Variants in UBFD1 observed in about 807,000 individuals in gnomAD.
The protein encoded by UBFD1 is ubiquitin family domain containing 1.
A neutral mutation model predicts 35.1 loss-of-function variants in UBFD1; 12 were observed. The ratio of observed to expected loss-of-function variants is 0.34; its 90% CI spans 0.22 to 0.55. The LOEUF is 0.55. UBFD1 is among the 20% of genes least tolerant of loss of function. UBFD1 has a pLI of 0.89. For synonymous variants in UBFD1, 178 were observed against 167.6 expected (o/e 1.06, Z -0.48); for missense variants, 337 against 410.8 (o/e 0.82, Z 1.55).
intron 5 of UBFD1, 133 bp from the exon 6 acceptor site, chr16:23,566,854 C>A: frequency 1.2e-6 from 1 of 803,116 alleles, no homozygotes; most frequent in South Asian, 1.7e-5. Flanking sequence ...GTGTTGTCCC[C>A]AGAGGGCATG....
At chr16:23,562,599 C>G (rs1012526528) in intron 4 of UBFD1, 26 bp from the exon 5 acceptor site, 3 of 1,607,658 alleles carry the variant, frequency 1.9e-6, no homozygotes, top group Admixed American at 3.4e-5. Flanking sequence ...GTCCCTCCAT[C>G]TCTTACCATT....
Position 23,573,493 on chromosome 16 carries a change from T to G in UBFD1, c.*2903T>G, listed in dbSNP as rs1966114444. 6.6e-6 allele frequency: 1 copy of G among 152,370 alleles called. No individual in the cohort carries two copies. Among genetic ancestry groups the G allele is most frequent in the African/African-American group, 2.4e-5 (1 of 41,416 alleles). The allele number at this position is 152,370 out of a possible 1,614,324, so 9.4% of individuals were successfully genotyped here. On this transcript the variant is annotated 3_prime_UTR_variant, in exon 7 of 7. Transcript: ENST00000395878. The stretch of plus-strand genomic sequence containing the variant: ...TTCAGATCACAGAACACAGACAGAC[T>G]CGCGAGTTGCTGGACCTCTTTGGTA...
chr16:23,573,036 T>G lies in UBFD1; in HGVS notation c.*2446T>G, dbSNP rs949163325. The G allele has an allele frequency of 4.6e-5, 7 of 152,254 alleles. No individual in the cohort carries two copies. The highest frequency in any genetic ancestry group is 8.8e-5 in the Non-Finnish European group (6 of 68,052). The allele number at this position is 152,254 out of a possible 1,614,324, so 9.4% of individuals were successfully genotyped here. A position where few individuals can be genotyped will look rare whatever the true frequency, so the allele number is the denominator to read the frequency against. ...GTCTTTGAGTTCCGTAAGCAGTCTC[T>G]TCATACATTTCTTACAGTCTGGAGT... On this transcript the variant is annotated 3_prime_UTR_variant, in exon 7 of 7. Coordinates refer to ENST00000395878, the MANE Select transcript of UBFD1 (RefSeq NM_019116.3).
At chr16:23,560,911 A>G (rs1965923621) in intron 3 of UBFD1, among the ~76,000 whole-genome samples, 2 of 152,182 alleles carry the variant, frequency 1.3e-5, no homozygotes, top group African/African-American at 2.4e-5. Flanking sequence ...TGCCACATGT[A>G]TGAAATAGTG....
intron 5 of UBFD1, chr16:23,565,434 T>C (rs552514566): frequency 6.6e-6 from 1 of 152,172 alleles, no homozygotes; most frequent in East Asian, 1.9e-4. Context: ...TGATCAGGAG[T>C]GTGGGTCCAG....
intron 6 of UBFD1, 101 bp from the exon 7 acceptor site, chr16:23,570,379 C>A: frequency 1.2e-6 from 1 of 858,204 alleles, no homozygotes; most frequent in Non-Finnish European, 1.9e-6. Context: ...TTTTTCTTCC[C>A]TTTTTAATTA....
intron 2 of UBFD1, 43 bp downstream of exon 2, chr16:23,558,322 T>C (rs766343503): frequency 8.8e-6 from 14 of 1,591,470 alleles, no homozygotes; most frequent in African/African-American, 1.4e-5. Flanking sequence ...CCACCCCGCC[T>C]CCTGATGGCC....
chr16:23,571,764 A>C lies in UBFD1; in HGVS notation c.*1174A>C, dbSNP rs1285555869. 1 of 152,686 alleles carries C rather than the reference A, an allele frequency of 6.5e-6. No individual in the cohort carries two copies. The highest frequency in any genetic ancestry group is 6.5e-5 in the Admixed American group (1 of 15,286). The allele number at this position is 152,686 out of a possible 1,614,324, so 9.5% of individuals were successfully genotyped here. ...AGCAGGTTGGCCAGTGTTATTGAAC[A>C]ACAAAAATGGGATAAATTGCTTTCA... On this transcript the variant is annotated 3_prime_UTR_variant, in exon 7 of 7. Transcript: ENST00000395878.
chr16:23,567,631 T>G (rs1050093955), intron 6 of UBFD1, among the ~76,000 whole-genome samples: 1 of 152,242 alleles, frequency 6.6e-6, no homozygotes, highest in East Asian at 1.9e-4. Context: ...TTTGGAGGTG[T>G]TGTGCAGGTC....
intron 6 of UBFD1, among the ~76,000 whole-genome samples, chr16:23,569,949 A>G (rs913139377): frequency 6.6e-6 from 1 of 152,218 alleles, no homozygotes; most frequent in African/African-American, 2.4e-5. Flanking sequence ...AAAGAGCTCC[A>G]GTATTGGTGT....
chr16:23,559,730 G>T, intron 3 of UBFD1, 54 bp downstream of exon 3: 2 of 1,609,464 alleles, frequency 1.2e-6, no homozygotes, highest in Non-Finnish European at 1.7e-6. Flanking sequence ...TTGTCCTCTT[G>T]AGCCGTGGCT....
chr16:23,562,157 G>A (rs759088575), intron 3 of UBFD1, 49 bp from the exon 4 acceptor site: 8 of 1,545,472 alleles, frequency 5.2e-6, no homozygotes, highest in South Asian at 2.3e-5. Flanking sequence ...ATAGTAACAC[G>A]ACGAAATGTA....
rs768319984 is a variant in UBFD1 at position 23,559,457 on chromosome 16, C to T, written c.356-11C>T. ...CTTCCTTTCACTGTCCACCTTCTAC[C>T]TTTTCCCAAGGTCTCCCGCCTGCCA... On this transcript the variant is annotated splice_polypyrimidine_tract_variant and intron_variant, in intron 2 of 6. Coordinates refer to ENST00000395878, the MANE Select transcript of UBFD1 (RefSeq NM_019116.3). 20 of 1,611,758 alleles carry T rather than the reference C, an allele frequency of 1.2e-5. No individual in the cohort carries two copies. The highest frequency in any genetic ancestry group is 4.5e-5 in the East Asian group (2 of 44,862).
chr16:23,569,261 TACAG>T (rs1966052038), intron 6 of UBFD1: 1 of 152,162 alleles, frequency 6.6e-6, no homozygotes, highest in South Asian at 2.1e-4. Flanking sequence ...GTTTTTAAAA[TACAG>T]AAAAGAGGCT....
At chr16:23,563,093 T>C (rs1420675809) in intron 5 of UBFD1, among the ~76,000 whole-genome samples, 1 of 152,114 alleles carries the variant, frequency 6.6e-6, no homozygotes, top group East Asian at 1.9e-4. Flanking sequence ...TTTTTTTTTT[T>C]TGGCTTCTCT....
chr16:23,568,159 T>G (rs946427420), intron 6 of UBFD1, among the ~76,000 whole-genome samples: 1 of 144,760 alleles, frequency 6.9e-6, no homozygotes, highest in African/African-American at 2.6e-5. Context: ...TCTGTAGTCT[T>G]TTTTTTTTTT....
chr16:23,570,114 T>A (rs1297871828), intron 6 of UBFD1, among the ~76,000 whole-genome samples: 1 of 152,214 alleles, frequency 6.6e-6, no homozygotes, highest in East Asian at 1.9e-4. Flanking sequence ...TTTCTCCAAC[T>A]GTGGTCCCTG....
chr16:23,574,051 A>G lies in UBFD1; in HGVS notation c.*3461A>G, dbSNP rs935121645. The G allele has an allele frequency of 6.6e-6, 1 of 152,392 alleles. No homozygotes were observed. The allele number at this position is 152,392 out of a possible 1,614,324, so 9.4% of individuals were successfully genotyped here. A position where few individuals can be genotyped will look rare whatever the true frequency, so the allele number is the denominator to read the frequency against. Reference sequence around the variant, plus strand: ...TAATAGTGCCTGGCGGCCTTTCTGAAGTTACAGGTGGTTGGGAGCCCTCTC... The same window carrying G: ...TAATAGTGCCTGGCGGCCTTTCTGAGGTTACAGGTGGTTGGGAGCCCTCTC... On this transcript the variant is annotated 3_prime_UTR_variant, in exon 7 of 7. Coordinates refer to ENST00000395878, the MANE Select transcript of UBFD1 (RefSeq NM_019116.3).
intron 5 of UBFD1, 51 bp from the exon 6 acceptor site, chr16:23,566,936 G>A (rs762921950): frequency 5.4e-5 from 86 of 1,581,004 alleles, no homozygotes; most frequent in Non-Finnish European, 7.2e-5. Context: ...AGTCAGAGAA[G>A]TTAGAACAGG....
Sources: gnomAD v4.1 joint callset for allele counts (sites outside exome capture counted in the v4.1 genomes callset) on GRCh38, gnomAD v4.1.1 for gene constraint, MANE v1.5 for transcripts, NCBI Gene and HGNC (gene_info 2026-07-23, HGNC 2026-07-21) for gene names.